The following USH2A variants were observed in gnomAD, a reference collection of about 807,000 sequenced individuals.
USH2A encodes Usher syndrome 2A (autosomal recessive, mild).
A neutral mutation model predicts 538.9 loss-of-function variants in USH2A; 443 were observed. The observed-to-expected ratio is 0.82, with a 90% CI of 0.76 to 0.89. USH2A has a LOEUF of 0.89. Among genes scored for constraint, USH2A ranks in the 40% least tolerant of loss-of-function variants. The pLI, the probability that USH2A is intolerant of heterozygous loss-of-function variation, is 0.00. For synonymous variants in USH2A, 2,413 were observed against 2,273.5 expected, an observed-to-expected ratio of 1.06 and a Z score of -1.75; for missense variants, 6,633 against 6,324.8, an observed-to-expected ratio of 1.05 and a Z score of -1.65.
Position 215,813,870 on chromosome 1 carries a change from G to A in USH2A, c.9605C>T (p.Pro3202Leu). ...CTTTTCTTCACAACAGCGATGTCCA[G>A]GCTTGGGGTTATAGAGCACTCCGTT... ...CCNGVLYNPK[P>L]GHRCCEEKYI... Residue 3202 changes from proline (P) to leucine (L), a missense_variant, in exon 49 of 72, where the codon CCT (proline) becomes CTT (leucine). Pro to Leu is a moderately conservative substitution (Grantham distance 98). Transcript: ENST00000307340. 1 of 1,613,812 alleles carries A rather than the reference G, an allele frequency of 6.2e-7. No homozygotes were observed. Among genetic ancestry groups the A allele is most frequent in the Non-Finnish European group, 8.5e-7 (1 of 1,179,816 alleles).
intron 49 of USH2A, among the ~76,000 whole-genome samples, chr1:215,802,924 T>C (rs1429338593): frequency 1.3e-5 from 2 of 152,104 alleles, no homozygotes; most frequent in Non-Finnish European, 2.9e-5. Flanking sequence ...TGAGACATTA[T>C]TCGACCTTAA....
At chr1:216,136,536 TCA>T (rs2033490437) in intron 21 of USH2A, among the ~76,000 whole-genome samples, 1 of 152,170 alleles carries the variant, frequency 6.6e-6, no homozygotes, top group African/African-American at 2.4e-5. Context: ...TACTTTCTCG[TCA>T]GTTATGCAGT....
At chr1:215,769,701 G>C (rs552816731) in intron 55 of USH2A, among the ~76,000 whole-genome samples, 2 of 152,268 alleles carry the variant, frequency 1.3e-5, no homozygotes, top group South Asian at 4.1e-4. Flanking sequence ...TTCTCTTGAA[G>C]CTACTGGGGT....
At chr1:215,953,297 G>A (rs1164631425) in intron 37 of USH2A, among the ~76,000 whole-genome samples, 11 of 152,196 alleles carry the variant, frequency 7.2e-5, no homozygotes, top group Admixed American at 2.0e-4. Context: ...GAGGCATCAC[G>A]CTACCTGACT....
intron 58 of USH2A, among the ~76,000 whole-genome samples, chr1:215,751,610 G>A (rs1660625139): frequency 6.6e-6 from 1 of 152,036 alleles, no homozygotes; most frequent in Admixed American, 6.6e-5. Context: ...GTTCCATGAA[G>A]CATTTGCTAT....
intron 32 of USH2A, among the ~76,000 whole-genome samples, chr1:216,008,233 C>T (rs1668452753): frequency 6.6e-6 from 1 of 152,044 alleles, no homozygotes; most frequent in Admixed American, 6.6e-5. Flanking sequence ...TAACTGCTGA[C>T]ATTCCACCAT....
chr1:216,060,152 G>C (rs1232111096), intron 30 of USH2A, among the ~76,000 whole-genome samples: 1 of 152,234 alleles, frequency 6.6e-6, no homozygotes, highest in Non-Finnish European at 1.5e-5. Flanking sequence ...CTCTACACTA[G>C]TGTCTTTCAA....
chr1:215,952,460 G>A (rs796436640), intron 37 of USH2A, among the ~76,000 whole-genome samples: 4 of 152,308 alleles, frequency 2.6e-5, no homozygotes, highest in Non-Finnish European at 5.9e-5. Flanking sequence ...AGTTGATGCA[G>A]TTTCTTCCTA....
Position 215,900,143 on chromosome 1 carries a change from C to A in USH2A, c.7526G>T (p.Arg2509Leu). 1 of 1,613,738 alleles carries A rather than the reference C, an allele frequency of 6.2e-7. No individual in the cohort carries two copies. The highest frequency in any genetic ancestry group is 8.5e-7 in the Non-Finnish European group (1 of 1,179,808). The change falls in exon 40 of 72, where the codon CGG becomes CTG. Residue 2509 changes from arginine (R) to leucine (L), a missense_variant. By Grantham distance (102) the Arg-to-Leu change is moderately radical. Transcript: ENST00000307340. Reference protein sequence around the residue: ...DLQPYTEYMFRLVASNGFGSA... With the variant: ...DLQPYTEYMFLLVASNGFGSA... ...GCCAAATCCATTGGAGGCAACCAAC[C>A]GAAACATATACTCTGTGTACGGTTG... is the stretch of plus-strand genomic sequence containing the variant.
intron 30 of USH2A, 140 bp downstream of exon 30, chr1:216,069,961 A>T: frequency 1.0e-6 from 1 of 990,226 alleles, no homozygotes; most frequent in Non-Finnish European, 1.5e-6. Flanking sequence ...CCACTACTTT[A>T]GATGGGTGTT....
chr1:215,886,096 T>C (rs923228982), intron 41 of USH2A, among the ~76,000 whole-genome samples: 2 of 152,210 alleles, frequency 1.3e-5, no homozygotes, highest in African/African-American at 4.8e-5. Flanking sequence ...TAAATGTCAA[T>C]AGAACTGAAA....
At chr1:215,937,568 A>G (rs2102502502) in intron 37 of USH2A, among the ~76,000 whole-genome samples, 1 of 152,190 alleles carries the variant, frequency 6.6e-6, no homozygotes, top group East Asian at 1.9e-4. Context: ...GAACAATTAC[A>G]TGGTCAGCAT....
chr1:215,774,794 T>A (rs938555060), intron 55 of USH2A, among the ~76,000 whole-genome samples: 5 of 152,102 alleles, frequency 3.3e-5, no homozygotes, highest in African/African-American at 1.2e-4. Flanking sequence ...AGGGGAATTT[T>A]AAAAAATATC....
intron 49 of USH2A, among the ~76,000 whole-genome samples, chr1:215,810,192 T>C (rs73090714): frequency 0.018 from 2,763 of 152,122 alleles, 80 homozygotes; most frequent in African/African-American, 0.061. Context: ...GCTTTAGGTG[T>C]GCAGAAACAT....
intron 52 of USH2A, among the ~76,000 whole-genome samples, chr1:215,783,217 T>A (rs1323915193): frequency 6.6e-6 from 1 of 152,188 alleles, no homozygotes; most frequent in Non-Finnish European, 1.5e-5. Flanking sequence ...AGCACTGGAA[T>A]CATGTATAAT....
intron 44 of USH2A, among the ~76,000 whole-genome samples, chr1:215,847,022 G>A (rs1663868462): frequency 6.6e-6 from 1 of 152,130 alleles, no homozygotes; most frequent in African/African-American, 2.4e-5. Context: ...GCCTTTAAAA[G>A]ATACCAAAAT....
intron 44 of USH2A, among the ~76,000 whole-genome samples, chr1:215,859,411 G>A (rs1664258351): frequency 1.3e-5 from 2 of 152,164 alleles, no homozygotes; most frequent in Non-Finnish European, 2.9e-5. Flanking sequence ...GGATGTGCCT[G>A]TAGTCCCAGC....
chr1:215,665,925 G>T (rs938733402), intron 64 of USH2A, among the ~76,000 whole-genome samples: 1 of 152,244 alleles, frequency 6.6e-6, no homozygotes, highest in East Asian at 1.9e-4. Context: ...GGTTGTTTGA[G>T]AATTAGATTT....
intron 32 of USH2A, 97 bp from the exon 33 acceptor site, chr1:216,000,659 A>C (rs1668248291): frequency 6.9e-7 from 1 of 1,451,450 alleles, no homozygotes; most frequent in East Asian, 2.3e-5. Flanking sequence ...AGAATTGTTA[A>C]GATAAGGCTT....
Sources: gnomAD v4.1 joint callset for allele counts (sites outside exome capture counted in the v4.1 genomes callset) on GRCh38, gnomAD v4.1.1 for gene constraint, MANE v1.5 for transcripts, NCBI Gene and HGNC (gene_info 2026-07-23, HGNC 2026-07-21) for gene names.